Variants in NTM observed in about 807,000 individuals in gnomAD.
NTM encodes neurotrimin.
In NTM, 13 loss-of-function variants were observed where a neutral mutation model predicts 42.1. The observed-to-expected ratio is 0.31, with a 90% CI of 0.20 to 0.49. The LOEUF is 0.49. Ranked by LOEUF, NTM falls within the 20% of genes least tolerant of loss-of-function variation. NTM has a pLI of 0.99. For synonymous variants in NTM, 187 were observed against 179.2 expected, an observed-to-expected ratio of 1.04 and a Z score of -0.35; for missense variants, 373 against 452.8, an observed-to-expected ratio of 0.82 and a Z score of 1.60.
At chr11:131,519,357 C>A (rs1483120961) in intron 1 of NTM, among the ~76,000 whole-genome samples, 4 of 150,606 alleles carry the variant, frequency 2.7e-5, no homozygotes, top group African/African-American at 7.3e-5. Context: ...TCTGGGTTAG[C>A]ACCTGAGAGG....
At chr11:131,507,515 G>A (rs1333788750) in intron 1 of NTM, among the ~76,000 whole-genome samples, 1 of 152,130 alleles carries the variant, frequency 6.6e-6, no homozygotes, top group Non-Finnish European at 1.5e-5. Flanking sequence ...TGTTCTTTTG[G>A]TTTAGGATTG....
intron 1 of NTM, among the ~76,000 whole-genome samples, chr11:131,786,495 A>G (rs572833743): frequency 2.0e-5 from 3 of 152,308 alleles, no homozygotes; most frequent in East Asian, 3.9e-4. Flanking sequence ...GAGGAAAGCA[A>G]TTGCTTAATT....
At chr11:131,585,642 A>G (rs1407516115) in intron 1 of NTM, among the ~76,000 whole-genome samples, 1 of 152,186 alleles carries the variant, frequency 6.6e-6, no homozygotes, top group Non-Finnish European at 1.5e-5. Flanking sequence ...TTGAAAGGCC[A>G]TGGAGTTTAC....
intron 1 of NTM, among the ~76,000 whole-genome samples, chr11:131,525,151 C>T (rs138013094): frequency 6.6e-6 from 1 of 152,056 alleles, no homozygotes. Context: ...GGACATGGCC[C>T]CAGAGAGGTC....
At chr11:131,788,525 G>A (rs1177854046) in intron 1 of NTM, among the ~76,000 whole-genome samples, 3 of 151,832 alleles carry the variant, frequency 2.0e-5, no homozygotes, top group Non-Finnish European at 2.9e-5. Flanking sequence ...TCCATTCTAC[G>A]TTATTAACAG....
chr11:131,849,964 AGT>A lies in NTM; in HGVS notation c.83-61599_83-61598del, dbSNP rs1491377314. ...TGTGTACATGTACCCTAAAACTTAA[AGT>A]ATAATAATAATAATAATAATAATAA... On this transcript the variant is annotated intron_variant, in intron 1 of 8. Coordinates refer to ENST00000683400, the MANE Select transcript of NTM (RefSeq NM_001352005.2). 9.4e-5 allele frequency among the ~76,000 whole-genome samples: 8 copies of A among 85,450 alleles called. No individual in the cohort carries two copies. In the East Asian group the frequency reaches 2.6e-3, roughly 27 times the overall value. The allele number at this position is 85,450 out of a possible 152,430, so 56.1% of individuals were successfully genotyped here. A position where few individuals can be genotyped will look rare whatever the true frequency, so the allele number is the denominator to read the frequency against.
chr11:131,516,322 A>T (rs11222678), intron 1 of NTM, among the ~76,000 whole-genome samples: 20,931 of 152,230 alleles, frequency 0.14, 1,636 homozygotes, highest in East Asian at 0.26. Flanking sequence ...GGGCTTCTGA[A>T]TTCAGTCTTC....
intron 3 of NTM, among the ~76,000 whole-genome samples, chr11:132,149,525 G>A (rs2071385610): frequency 6.6e-6 from 1 of 152,198 alleles, no homozygotes; most frequent in Non-Finnish European, 1.5e-5. Context: ...CCACACAGAA[G>A]GAAGGTAGTG....
At chr11:132,174,783 G>A (rs1046937646) in intron 3 of NTM, among the ~76,000 whole-genome samples, 4 of 152,004 alleles carry the variant, frequency 2.6e-5, no homozygotes, top group Non-Finnish European at 4.4e-5. Context: ...AACCACGATC[G>A]CCTTGGATTC....
At chr11:132,052,770 T>G (rs972690388) in intron 2 of NTM, among the ~76,000 whole-genome samples, 1 of 129,674 alleles carries the variant, frequency 7.7e-6, no homozygotes, top group African/African-American at 3.1e-5. Flanking sequence ...TTTTCCAGGC[T>G]CACTGTGTGT....
chr11:131,793,578 G>T (rs943198776), intron 1 of NTM, among the ~76,000 whole-genome samples: 1 of 152,144 alleles, frequency 6.6e-6, no homozygotes, highest in African/African-American at 2.4e-5. Context: ...TTCCATCCCG[G>T]TCAGTCTGAT....
At chr11:132,108,047 C>T (rs1056723187) in intron 2 of NTM, among the ~76,000 whole-genome samples, 2 of 152,162 alleles carry the variant, frequency 1.3e-5, no homozygotes, top group African/African-American at 2.4e-5. Flanking sequence ...ATGCCTACTC[C>T]TTCTCAATAA....
intron 1 of NTM, among the ~76,000 whole-genome samples, chr11:131,712,126 G>A (rs1465617285): frequency 1.5e-5 from 2 of 130,654 alleles, no homozygotes; most frequent in Non-Finnish European, 3.3e-5. Context: ...AAAACTTAAA[G>A]TATAATAATA....
intron 1 of NTM, among the ~76,000 whole-genome samples, chr11:131,488,917 A>G (rs937944630): frequency 6.6e-6 from 1 of 152,220 alleles, no homozygotes; most frequent in Admixed American, 6.5e-5. Context: ...GAATTTAAAA[A>G]GGCAAAGAAC....
intron 1 of NTM, among the ~76,000 whole-genome samples, chr11:131,757,581 C>T (rs533041040): frequency 1.4e-4 from 22 of 152,144 alleles, no homozygotes; most frequent in Admixed American, 2.6e-4. Context: ...CCAGGTGAGA[C>T]GGGGCTGAGT....
At chr11:131,576,873 A>T (rs1514648) in intron 1 of NTM, among the ~76,000 whole-genome samples, 1 of 152,028 alleles carries the variant, frequency 6.6e-6, no homozygotes, top group Admixed American at 6.5e-5. Context: ...TTTCCACAAA[A>T]TGTGGTGCAA....
intron 4 of NTM, among the ~76,000 whole-genome samples, chr11:132,268,143 A>G (rs1243218228): frequency 6.6e-6 from 1 of 152,170 alleles, no homozygotes; most frequent in African/African-American, 2.4e-5. Context: ...AGATTTTGCC[A>G]CTATGGAGCA....
intron 3 of NTM, among the ~76,000 whole-genome samples, chr11:132,164,664 A>G (rs1419190099): frequency 6.6e-6 from 1 of 151,932 alleles, no homozygotes; most frequent in Non-Finnish European, 1.5e-5. Flanking sequence ...TGTCCTTCTA[A>G]CTTGTTGTCA....
chr11:132,140,191 T>C (rs993634629), intron 2 of NTM, among the ~76,000 whole-genome samples: 6 of 152,198 alleles, frequency 3.9e-5, no homozygotes, highest in African/African-American at 1.4e-4. Flanking sequence ...GGACATTCCT[T>C]GTAGCAGTCA....
Sources: allele counts gnomAD v4.1 joint callset (sites outside exome capture counted in the v4.1 genomes callset), GRCh38; gene constraint gnomAD v4.1.1; transcripts MANE v1.5; gene names NCBI Gene and HGNC (gene_info 2026-07-23, HGNC 2026-07-21).